COL22A1: variants seen among roughly 807,000 people sequenced by gnomAD.
The protein encoded by COL22A1 is collagen alpha-1(XXII) chain.
A neutral mutation model predicts 248.9 loss-of-function variants in COL22A1; 221 were observed. That is an observed-to-expected ratio of 0.89 (90% confidence interval 0.80 to 0.99). The LOEUF (loss-of-function observed/expected upper bound fraction) is 0.99. Ranked by LOEUF, COL22A1 falls within the 50% of genes least tolerant of loss-of-function variation. The pLI, the probability that COL22A1 is intolerant of heterozygous loss-of-function variation, is 0.00. For synonymous variants in COL22A1, 891 were observed against 793.4 expected (o/e 1.12, Z -2.07); for missense variants, 2,240 against 2,179.0 (o/e 1.03, Z -0.56).
Position 138,878,236 on chromosome 8 carries a change from G to A in COL22A1, c.172C>T (p.Arg58Trp), listed in dbSNP as rs760685980. Residue 58 changes from arginine to tryptophan, a missense_variant, in exon 3 of 65, where the codon CGG (arginine) becomes TGG (tryptophan). Arg to Trp is a moderately radical substitution (Grantham distance 101, BLOSUM62 -3). Coordinates refer to ENST00000303045, the MANE Select transcript of COL22A1 (RefSeq NM_152888.3). ...TCCACCAGGTTGGCCACCCACTGCC[G>A]GACCTTCTCAAAGTCCTCCTTGCCC... ...SVGKEDFEKV[R>W]QWVANLVDTF... 4 of 1,592,218 alleles carry A rather than the reference G, an allele frequency of 2.5e-6. No homozygotes were observed. Among genetic ancestry groups the A allele is most frequent in the South Asian group, 1.1e-5 (1 of 87,354 alleles).
intron 1 of COL22A1, among the ~76,000 whole-genome samples, chr8:138,909,623 G>A (rs1314572815): frequency 1.3e-5 from 2 of 152,166 alleles, no homozygotes; most frequent in African/African-American, 4.8e-5. Context: ...CACAGCCAGG[G>A]TTAACTAGTA....
intron 36 of COL22A1, 24 bp from the exon 37 acceptor site, chr8:138,688,994 A>G (rs768924876): frequency 3.1e-6 from 5 of 1,603,186 alleles, no homozygotes; most frequent in African/African-American, 1.3e-5. Flanking sequence ...GATTACGGAC[A>G]TGGTGAATTT....
intron 45 of COL22A1, among the ~76,000 whole-genome samples, chr8:138,651,648 C>T (rs72727851): frequency 0.085 from 9,884 of 116,314 alleles, 925 homozygotes; most frequent in African/African-American, 0.22. Context: ...GAAAGGAGCT[C>T]GCCTCTTTGT....
chr8:138,912,057 A>T (rs1815487127), intron 1 of COL22A1, among the ~76,000 whole-genome samples: 1 of 152,128 alleles, frequency 6.6e-6, no homozygotes, highest in African/African-American at 2.4e-5. Flanking sequence ...GCAAACTAAG[A>T]TATATTGCAT....
intron 56 of COL22A1, among the ~76,000 whole-genome samples, chr8:138,610,517 G>A (rs1012662517): frequency 1.3e-5 from 2 of 152,164 alleles, no homozygotes; most frequent in African/African-American, 2.4e-5. Context: ...GAAAGAACTC[G>A]GAACTATTCT....
chr8:138,827,607 G>C (rs1819697820), intron 5 of COL22A1, among the ~76,000 whole-genome samples: 1 of 151,984 alleles, frequency 6.6e-6, no homozygotes, highest in Non-Finnish European at 1.5e-5. Flanking sequence ...TCTCACCTCA[G>C]GGAGGCCTCA....
At chr8:138,877,729 A>G (rs4736255) in intron 3 of COL22A1, 21 bp downstream of exon 3, 1,483,101 of 1,548,832 alleles carry the variant, frequency 0.96, 710,284 homozygotes, top group East Asian at 1. Flanking sequence ...GAGGGGCCGC[A>G]TGGGGCCCGG....
chr8:138,649,576 C>T lies in COL22A1; in HGVS notation c.3447+89G>A. On this transcript the variant is annotated intron_variant, in intron 46 of 64. Transcript: ENST00000303045. ...TCTTGAACCCCTCAAACCCTGAACACCTTCAGAGGCAGATGGGGCAATACT... is the reference window on the plus strand; with the variant it reads ...TCTTGAACCCCTCAAACCCTGAACATCTTCAGAGGCAGATGGGGCAATACT... The T allele has an allele frequency of 2.0e-6, 3 of 1,537,310 alleles. No individual in the cohort carries two copies. The East Asian group carries it at 7.3e-5, about 37-fold the overall frequency.
In COL22A1 at chr8:138,676,560, G is replaced by A; in HGVS notation, c.3148C>T (p.Pro1050Ser). 6.4e-7 allele frequency: 1 copy of A among 1,561,264 alleles called. No homozygotes were observed. The highest frequency in any genetic ancestry group is 8.7e-7 in the Non-Finnish European group (1 of 1,151,320). ...GAGCTGGATAAATAAAGACTTACAG[G>A]AGGGCCAGCAACCCCAATGCCTGGG... ...GDPGIGVAGP[P>S]GPSGPPGDKG... is the part of the protein sequence containing the mutation. The change falls in exon 41 of 65, where the codon CCT becomes TCT. Residue 1050 changes from proline (P) to serine (S), a missense_variant and splice_region_variant. Physicochemically the swap from Pro to Ser is moderately conservative, Grantham distance 74 (BLOSUM62 -1). Coordinates refer to ENST00000303045, the MANE Select transcript of COL22A1 (RefSeq NM_152888.3).
chr8:138,878,329 G>A lies in COL22A1; in HGVS notation c.92-13C>T. 6.6e-7 allele frequency: 1 copy of A among 1,512,726 alleles called. No homozygotes were observed. Among genetic ancestry groups the A allele is most frequent in the Non-Finnish European group, 8.9e-7 (1 of 1,125,848 alleles). The allele number at this position is 1,512,726 out of a possible 1,614,324, so 93.7% of individuals were successfully genotyped here. ...ACACTTTTGCAACCTGCAGGGGTGA[G>A]AGAAGGGGTGGCGTAGGGCAAATGG... On this transcript the variant is annotated splice_polypyrimidine_tract_variant and intron_variant, in intron 2 of 64. Transcript: ENST00000303045.
At chr8:138,674,389 T>C (rs931330708) in intron 41 of COL22A1, among the ~76,000 whole-genome samples, 1 of 152,134 alleles carries the variant, frequency 6.6e-6, no homozygotes, top group Non-Finnish European at 1.5e-5. Context: ...CAGCATATCT[T>C]TGCACACTCC....
chr8:138,809,923 G>T (rs1586799849), intron 9 of COL22A1, among the ~76,000 whole-genome samples: 1 of 152,158 alleles, frequency 6.6e-6, no homozygotes, highest in African/African-American at 2.4e-5. Context: ...TGTATTAGTA[G>T]CTGAAAATAC....
At chr8:138,791,471 A>G (rs1816030484) in intron 12 of COL22A1, among the ~76,000 whole-genome samples, 1 of 152,226 alleles carries the variant, frequency 6.6e-6, no homozygotes, top group Admixed American at 6.5e-5. Flanking sequence ...CAAACTTAAG[A>G]GCGCTTGCAT....
intron 41 of COL22A1, 143 bp downstream of exon 41, chr8:138,676,415 A>AAGAAAGAAAGAAAGAAAGAC: frequency 4.4e-6 from 1 of 225,730 alleles, no homozygotes; most frequent in East Asian, 9.3e-5. Flanking sequence ...AAGAAAGAAA[A>AAGAAAGAAAGAAAGAAAGAC]AGAAAGAAAG....
chr8:138,687,320 G>A (rs1826439384), intron 37 of COL22A1, among the ~76,000 whole-genome samples: 1 of 152,332 alleles, frequency 6.6e-6, no homozygotes, highest in Non-Finnish European at 1.5e-5. Flanking sequence ...TCATAGATGT[G>A]TTGATCATTT....
At chr8:138,752,449 C>T (rs988263225) in intron 21 of COL22A1, among the ~76,000 whole-genome samples, 2 of 152,198 alleles carry the variant, frequency 1.3e-5, no homozygotes, top group African/African-American at 2.4e-5. Context: ...TTAATAACGC[C>T]ATGTAAATGA....
intron 4 of COL22A1, among the ~76,000 whole-genome samples, chr8:138,833,885 T>C (rs9692785): frequency 0.55 from 83,259 of 151,914 alleles, 23,418 homozygotes; most frequent in East Asian, 0.67. Context: ...ACAGGAGTCT[T>C]GGGTACTTCA....
chr8:138,763,672 G>C (rs1279585280), intron 16 of COL22A1, among the ~76,000 whole-genome samples: 1 of 152,132 alleles, frequency 6.6e-6, no homozygotes, highest in African/African-American at 2.4e-5. Flanking sequence ...CAGCAGCTGC[G>C]GCTTCCTTCA....
rs1241962908 is a variant in COL22A1 at position 138,755,498 on chromosome 8, C to A, written c.1961G>T (p.Gly654Val). The change falls in exon 20 of 65, where the codon GGC (glycine) becomes GTC (valine). Residue 654 changes from glycine (G) to valine (V), a missense_variant. Transcript: ENST00000303045. Reference protein sequence around the residue: ...GVPGSVVQQEGLKGEQGAPGP... With the variant: ...GVPGSVVQQEVLKGEQGAPGP... The stretch of plus-strand genomic sequence containing the variant: ...GCCTCTTACCTGTTCCCCTTTCAAG[C>A]CCTCTTGCTGCACCTGAGAGACAAA... 3 of 1,613,968 alleles carry A rather than the reference C, an allele frequency of 1.9e-6. No individual in the cohort carries two copies. The highest frequency in any genetic ancestry group is 1.3e-5 in the African/African-American group (1 of 74,898).
Sources: gnomAD v4.1 joint callset for allele counts (sites outside exome capture counted in the v4.1 genomes callset) on GRCh38, gnomAD v4.1.1 for gene constraint, MANE v1.5 for transcripts, NCBI Gene and HGNC (gene_info 2026-07-23, HGNC 2026-07-21) for gene names.